Variants in SLIT3 observed in about 807,000 individuals in gnomAD.
SLIT3 encodes slit homolog 3 protein.
A neutral mutation model predicts 184.0 loss-of-function variants in SLIT3; 68 were observed. The observed-to-expected ratio is 0.37, with a 90% CI of 0.30 to 0.45. SLIT3 has a LOEUF of 0.45. SLIT3 is among the 20% of genes least tolerant of loss of function. The pLI is 1.00. For synonymous variants in SLIT3, 831 were observed against 828.6 expected, an observed-to-expected ratio of 1.00 and a Z score of -0.05; for missense variants, 1,707 against 2,026.0, an observed-to-expected ratio of 0.84 and a Z score of 3.02.
At chr5:168,937,537 A>C (rs1292016417) in intron 4 of SLIT3, among the ~76,000 whole-genome samples, 1 of 152,096 alleles carries the variant, frequency 6.6e-6, no homozygotes, top group Non-Finnish European at 1.5e-5. Context: ...TAGGCAGATC[A>C]GATAAGGGGT....
At chr5:169,289,304 GAGA>G (rs1381902980) in intron 1 of SLIT3, among the ~76,000 whole-genome samples, 1 of 152,228 alleles carries the variant, frequency 6.6e-6, no homozygotes, top group Non-Finnish European at 1.5e-5. Flanking sequence ...GAGCTGGAGA[GAGA>G]AGAAGAGGAG....
intron 5 of SLIT3, among the ~76,000 whole-genome samples, chr5:168,863,946 C>T (rs7721653): frequency 0.014 from 2,121 of 151,340 alleles, 43 homozygotes; most frequent in African/African-American, 0.047. Flanking sequence ...GGGCCAGGTG[C>T]GGTAGCTCAT....
chr5:169,128,906 C>T (rs976299199), intron 4 of SLIT3, among the ~76,000 whole-genome samples: 8 of 152,048 alleles, frequency 5.3e-5, no homozygotes, highest in South Asian at 2.1e-4. Flanking sequence ...CACTAAAAGG[C>T]GGCTTGTATT....
intron 4 of SLIT3, among the ~76,000 whole-genome samples, chr5:169,181,703 T>C (rs1433209705): frequency 1.3e-5 from 2 of 149,688 alleles, no homozygotes; most frequent in African/African-American, 2.5e-5. Context: ...ATCGTGCCAC[T>C]GCCACTCCAG....
intron 4 of SLIT3, among the ~76,000 whole-genome samples, chr5:169,108,736 C>G (rs1581417866): frequency 6.6e-6 from 1 of 152,106 alleles, no homozygotes; most frequent in South Asian, 2.1e-4. Context: ...TTCGTAAGAG[C>G]CACCTCCCCC....
At chr5:169,034,860 CCTCAG>C (rs1350326035) in intron 4 of SLIT3, among the ~76,000 whole-genome samples, 7 of 151,624 alleles carry the variant, frequency 4.6e-5, no homozygotes, top group Admixed American at 3.9e-4. Flanking sequence ...GATCCTCCCA[CCTCAG>C]CCCCTTAAGT....
chr5:169,055,755 C>T (rs896528680), intron 4 of SLIT3, among the ~76,000 whole-genome samples: 6 of 151,088 alleles, frequency 4.0e-5, no homozygotes, highest in South Asian at 4.2e-4. Context: ...GGTTTGAACC[C>T]GGGAGGCGGT....
chr5:168,774,695 A>G (rs974897930), intron 12 of SLIT3, among the ~76,000 whole-genome samples: 3 of 152,070 alleles, frequency 2.0e-5, no homozygotes, highest in African/African-American at 7.2e-5. Flanking sequence ...CTGTTTTAGG[A>G]TTCAGAGCTT....
At chr5:168,939,342 G>A (rs1435900260) in intron 4 of SLIT3, among the ~76,000 whole-genome samples, 1 of 152,180 alleles carries the variant, frequency 6.6e-6, no homozygotes, top group Non-Finnish European at 1.5e-5. Flanking sequence ...GATGTATACT[G>A]GACAAGGAAT....
chr5:169,288,251 C>T (rs1305521602), intron 1 of SLIT3, among the ~76,000 whole-genome samples: 3 of 152,160 alleles, frequency 2.0e-5, no homozygotes, highest in African/African-American at 2.4e-5. Context: ...AGAGTTAGAA[C>T]TCTAATAAAA....
chr5:168,711,066 G>T lies in SLIT3; in HGVS notation c.2556-8C>A. ...GGGTTGGTTCCCAGCGCCCTAGGAGGCAGAACAGGAAGTCAGGGCCCCCTG... is the reference window on the plus strand; with the variant it reads ...GGGTTGGTTCCCAGCGCCCTAGGAGTCAGAACAGGAAGTCAGGGCCCCCTG... On this transcript the variant is annotated splice_polypyrimidine_tract_variant and splice_region_variant and intron_variant, in intron 24 of 35. Coordinates refer to ENST00000519560, the MANE Select transcript of SLIT3 (RefSeq NM_003062.4). 2 of 1,562,490 alleles carry T rather than the reference G, an allele frequency of 1.3e-6. No individual in the cohort carries two copies. The highest frequency in any genetic ancestry group is 1.8e-5 in the Admixed American group (1 of 55,604).
intron 3 of SLIT3, among the ~76,000 whole-genome samples, chr5:169,228,845 C>T (rs1764896576): frequency 6.6e-6 from 1 of 152,118 alleles, no homozygotes; most frequent in South Asian, 2.1e-4. Flanking sequence ...TTTTGAAGCA[C>T]CTCTCAAAAT....
intron 2 of SLIT3, among the ~76,000 whole-genome samples, chr5:169,251,134 T>C (rs1765759404): frequency 6.6e-6 from 1 of 152,222 alleles, no homozygotes; most frequent in African/African-American, 2.4e-5. Context: ...TGGTGATTTA[T>C]TTGTTCATAG....
At chr5:168,761,211 C>A (rs1035644322) in intron 15 of SLIT3, among the ~76,000 whole-genome samples, 11 of 152,118 alleles carry the variant, frequency 7.2e-5, no homozygotes, top group African/African-American at 2.7e-4. Flanking sequence ...GTTTTCAGCA[C>A]CCATCAATTA....
rs541287058 is a variant in SLIT3, at chr5:168,932,628, A to G, written c.414-49292T>C. ...CGTGGGGCAGCCTGGTGGGCAGCCA[A>G]TGGATTAGGAAGGAAACAGGACTGC... On this transcript the variant is annotated intron_variant, in intron 4 of 35. Transcript: ENST00000519560. Among the ~76,000 whole-genome samples the G allele has an allele frequency of 3.8e-4, 58 of 152,290 alleles. 2 individuals carry two copies. The highest frequency in any genetic ancestry group is 1.0e-4 in the Non-Finnish European group (7 of 68,022).
At chr5:169,073,199 G>A (rs955432369) in intron 4 of SLIT3, among the ~76,000 whole-genome samples, 2 of 152,074 alleles carry the variant, frequency 1.3e-5, no homozygotes, top group African/African-American at 4.8e-5. Context: ...ACAAGGGAGG[G>A]GAGAGACCTT....
At position 168,985,070 on chromosome 5, in the gene SLIT3, C is replaced by T. The variant is rs1455771049; in HGVS notation, c.414-101734G>A. ...AGGCCATTTCTTAGAATGACAATTA[C>T]TTGACCCCCAACTGTGTTCTCTACT... On this transcript the variant is annotated intron_variant, in intron 4 of 35. Transcript: ENST00000519560. Among the ~76,000 whole-genome samples, 3 of 152,216 alleles carry T rather than the reference C, an allele frequency of 2.0e-5. No homozygotes were observed. In the East Asian group the frequency reaches 5.8e-4, roughly 29 times the overall value.
chr5:169,240,200 T>C (rs1228799176), intron 3 of SLIT3, among the ~76,000 whole-genome samples: 5 of 152,042 alleles, frequency 3.3e-5, no homozygotes, highest in Non-Finnish European at 7.4e-5. Context: ...CATATGCCCT[T>C]GAAAAGATGT....
chr5:169,098,301 A>G (rs1053407308), intron 4 of SLIT3, among the ~76,000 whole-genome samples: 1 of 152,166 alleles, frequency 6.6e-6, no homozygotes, highest in Non-Finnish European at 1.5e-5. Flanking sequence ...CCCAAATCAC[A>G]CACGTGTGTG....
Sources: gnomAD v4.1 joint callset for allele counts (sites outside exome capture counted in the v4.1 genomes callset) on GRCh38, gnomAD v4.1.1 for gene constraint, MANE v1.5 for transcripts, NCBI Gene and HGNC (gene_info 2026-07-23, HGNC 2026-07-21) for gene names.